Variants in BACH2 observed in about 807,000 individuals in gnomAD.
The protein encoded by BACH2 is BACH transcriptional regulator 2.
A neutral mutation model predicts 61.8 loss-of-function variants in BACH2; 5 were observed. The ratio of observed to expected loss-of-function variants is 0.08; its 90% CI spans 0.04 to 0.17. The LOEUF is 0.17. BACH2 is among the 10% of genes least tolerant of loss of function. BACH2 has a pLI of 1.00. For synonymous variants in BACH2, 446 were observed against 440.1 expected, an observed-to-expected ratio of 1.01 and a Z score of -0.17; for missense variants, 824 against 1,091.1, an observed-to-expected ratio of 0.76 and a Z score of 3.45.
At chr6:90,171,961 T>C (rs1186140824) in intron 4 of BACH2, among the ~76,000 whole-genome samples, 1 of 152,060 alleles carries the variant, frequency 6.6e-6, no homozygotes, top group Non-Finnish European at 1.5e-5. Flanking sequence ...TAAACAGATA[T>C]AAAGAAATTG....
chr6:90,253,327 TG>T (rs1228450976), intron 2 of BACH2, among the ~76,000 whole-genome samples: 1 of 151,724 alleles, frequency 6.6e-6, no homozygotes, highest in Non-Finnish European at 1.5e-5. Flanking sequence ...CAAAAAGGAG[TG>T]AGATCAGAAT....
At chr6:90,078,572 C>T (rs1286630926) in intron 5 of BACH2, among the ~76,000 whole-genome samples, 1 of 152,174 alleles carries the variant, frequency 6.6e-6, no homozygotes, top group African/African-American at 2.4e-5. Flanking sequence ...GAGGAGAACT[C>T]CCAAATGCTC....
intron 3 of BACH2, among the ~76,000 whole-genome samples, chr6:90,216,102 G>A (rs892311649): frequency 1.3e-5 from 2 of 152,160 alleles, no homozygotes; most frequent in African/African-American, 2.4e-5. Context: ...GAGTCACTGC[G>A]TTCTCCGACA....
At chr6:90,192,685 T>TA (rs1768616661) in intron 4 of BACH2, among the ~76,000 whole-genome samples, 1 of 152,254 alleles carries the variant, frequency 6.6e-6, no homozygotes, top group African/African-American at 2.4e-5. Context: ...GGCTAAGAGT[T>TA]AAACTTCATT....
intron 2 of BACH2, among the ~76,000 whole-genome samples, chr6:90,265,935 C>A (rs1368481769): frequency 6.6e-6 from 1 of 152,170 alleles, no homozygotes; most frequent in African/African-American, 2.4e-5. Context: ...ATCTCTACAA[C>A]CCTATGATGT....
At chr6:90,267,425 G>A (rs1051277830) in intron 2 of BACH2, among the ~76,000 whole-genome samples, 2 of 152,278 alleles carry the variant, frequency 1.3e-5, no homozygotes, top group African/African-American at 4.8e-5. Flanking sequence ...ACACCTGGCA[G>A]GGGTGAGGCA....
At position 90,246,992 on chromosome 6, in the gene BACH2, G is replaced by A. The variant is rs144196747; in HGVS notation, c.-275+5521C>T. Among the ~76,000 whole-genome samples, 879 of 151,942 alleles carry A rather than the reference G, an allele frequency of 5.8e-3. 8 individuals carry two copies. Among genetic ancestry groups the A allele is most frequent in the African/African-American group, 0.019 (806 of 41,434 alleles). Reference sequence around the variant, plus strand: ...CTTGTAAATTTACGATACTTGTTACGAATCAAGTTTTTGATATTACAAATG... The same window carrying A: ...CTTGTAAATTTACGATACTTGTTACAAATCAAGTTTTTGATATTACAAATG... On this transcript the variant is annotated intron_variant, in intron 3 of 8. Coordinates refer to ENST00000257749, the MANE Select transcript of BACH2 (RefSeq NM_021813.4).
At chr6:90,130,523 G>T (rs565521023) in intron 4 of BACH2, among the ~76,000 whole-genome samples, 58 of 152,360 alleles carry the variant, frequency 3.8e-4, no homozygotes, top group African/African-American at 1.3e-3. Flanking sequence ...CATTTACCAA[G>T]GTGGAAATTG....
chr6:89,939,652 ATTTCTTT>A (rs149347684), intron 7 of BACH2, among the ~76,000 whole-genome samples: 1 of 85,952 alleles, frequency 1.2e-5, no homozygotes, highest in Non-Finnish European at 2.4e-5. Flanking sequence ...GATTGCTTAT[ATTTCTTT>A]TTTTTTTTTT....
At chr6:90,117,003 T>A in intron 4 of BACH2, 1 of 364,854 alleles carries the variant, frequency 2.7e-6, no homozygotes, top group Non-Finnish European at 5.4e-6. Flanking sequence ...CTGGCACAGA[T>A]GAATAATATT....
intron 2 of BACH2, among the ~76,000 whole-genome samples, chr6:90,253,824 A>G (rs1770889641): frequency 1.3e-5 from 2 of 152,348 alleles, no homozygotes; most frequent in South Asian, 2.1e-4. Flanking sequence ...GGCCTTAGTC[A>G]TAATAAAAAA....
chr6:90,239,347 G>A (rs78030488), intron 3 of BACH2, among the ~76,000 whole-genome samples: 1,664 of 152,284 alleles, frequency 0.011, 16 homozygotes, highest in Middle Eastern at 0.02. Flanking sequence ...TGACTTCCCA[G>A]ACATAAGAAG....
intron 2 of BACH2, among the ~76,000 whole-genome samples, chr6:90,255,178 A>G (rs1402832255): frequency 1.3e-5 from 2 of 152,176 alleles, no homozygotes; most frequent in East Asian, 1.9e-4. Flanking sequence ...TTATTTATTT[A>G]ATTTTTACAT....
intron 5 of BACH2, among the ~76,000 whole-genome samples, chr6:90,085,504 G>A (rs1781897538): frequency 6.6e-6 from 1 of 152,226 alleles, no homozygotes; most frequent in African/African-American, 2.4e-5. Context: ...TCGCCCCAGT[G>A]AAGCAGGTCT....
At chr6:89,966,334 TG>T (rs1775045520) in intron 6 of BACH2, among the ~76,000 whole-genome samples, 1 of 152,206 alleles carries the variant, frequency 6.6e-6, no homozygotes, top group South Asian at 2.1e-4. Flanking sequence ...TCCCTTCTTG[TG>T]CTTCTGCAAT....
chr6:90,222,022 A>C (rs1562512957), intron 3 of BACH2, among the ~76,000 whole-genome samples: 1 of 152,180 alleles, frequency 6.6e-6, no homozygotes, highest in Non-Finnish European at 1.5e-5. Context: ...AAAAGAGAGA[A>C]ATTTACTTAA....
chr6:90,142,209 G>A (rs1347712079), intron 4 of BACH2, among the ~76,000 whole-genome samples: 3 of 152,146 alleles, frequency 2.0e-5, no homozygotes, highest in Non-Finnish European at 2.9e-5. Flanking sequence ...AGTATGTGAT[G>A]CTGTCACTGG....
Position 90,263,882 on chromosome 6 carries a change from A to T in BACH2, c.-353+7967T>A, listed in dbSNP as rs116947045. On this transcript the variant is annotated intron_variant, in intron 2 of 8. Transcript: ENST00000257749. The stretch of plus-strand genomic sequence containing the variant: ...CAAAATCCCTTGAAAATTTGCTCCT[A>T]ACCACAAGTCTAAGTAGGATGTGGT... 2.0e-4 allele frequency among the ~76,000 whole-genome samples: 30 copies of T among 152,280 alleles called. No homozygotes were observed. In the East Asian group the frequency reaches 5.8e-3, roughly 29 times the overall value.
At chr6:90,213,702 A>AAG (rs1205811714) in intron 3 of BACH2, among the ~76,000 whole-genome samples, 1 of 152,190 alleles carries the variant, frequency 6.6e-6, no homozygotes, top group Non-Finnish European at 1.5e-5. Context: ...ATTTCACAAG[A>AAG]AGAGATCTTG....
Sources: allele counts gnomAD v4.1 joint callset (sites outside exome capture counted in the v4.1 genomes callset), GRCh38; gene constraint gnomAD v4.1.1; transcripts MANE v1.5; gene names NCBI Gene and HGNC (gene_info 2026-07-23, HGNC 2026-07-21).